Variants in ABCA13 observed in about 807,000 individuals in gnomAD.
ABCA13 encodes ATP-binding cassette sub-family A member 13.
A neutral mutation model predicts 478.7 loss-of-function variants in ABCA13; 476 were observed. That is an observed-to-expected ratio of 0.99 (90% CI 0.92 to 1.07). The LOEUF is 1.07. Among genes scored for constraint, ABCA13 ranks in the 50% least tolerant of loss-of-function variants. The pLI is 0.00. For synonymous variants in ABCA13, 2,252 were observed against 2,158.9 expected (o/e 1.04, Z -1.20); for missense variants, 6,060 against 5,910.6 (o/e 1.03, Z -0.83).
chr7:48,418,860 T>C (rs1027583454), intron 41 of ABCA13, among the ~76,000 whole-genome samples: 1 of 152,238 alleles, frequency 6.6e-6, no homozygotes, highest in Non-Finnish European at 1.5e-5. Flanking sequence ...TTTTATGTTA[T>C]GTATTAGTCC....
Position 48,508,025 on chromosome 7 carries a change from G to T in ABCA13, c.13500G>T (p.Trp4500Cys). The T allele has an allele frequency of 3.1e-6, 5 of 1,613,848 alleles. No homozygotes were observed. The highest frequency in any genetic ancestry group is 4.2e-6 in the Non-Finnish European group (5 of 1,179,820). ...HISGLGYRMY[W>C]FTNFLYDMLF... Reference sequence around the variant, plus strand: ...GTGGCCTTGGCTACAGGATGTACTGGTTCACAAACTTCCTATATGACATGG... The same window carrying T: ...GTGGCCTTGGCTACAGGATGTACTGTTTCACAAACTTCCTATATGACATGG... The change falls in exon 50 of 62, where the codon TGG (tryptophan) becomes TGT (cysteine). Residue 4500 changes from tryptophan to cysteine, a missense_variant. By Grantham distance (215) the Trp-to-Cys change is radical. Coordinates refer to ENST00000435803, the MANE Select transcript of ABCA13 (RefSeq NM_152701.5).
chr7:48,310,935 T>C (rs1162322361), intron 24 of ABCA13, among the ~76,000 whole-genome samples: 18 of 152,074 alleles, frequency 1.2e-4, no homozygotes, highest in Non-Finnish European at 1.5e-5. Context: ...TGTTTGAATC[T>C]TTACTTAAGT....
chr7:48,510,419 C>T (rs1194397554), intron 50 of ABCA13, among the ~76,000 whole-genome samples: 1 of 152,142 alleles, frequency 6.6e-6, no homozygotes, highest in Non-Finnish European at 1.5e-5. Flanking sequence ...CAGGGAGCAC[C>T]TTAAGGTGAG....
chr7:48,429,605 T>G (rs1335576883), intron 42 of ABCA13, among the ~76,000 whole-genome samples: 7 of 152,256 alleles, frequency 4.6e-5, no homozygotes, highest in South Asian at 2.1e-4. Flanking sequence ...TCAGATTTTT[T>G]GTCCATTATT....
At chr7:48,235,559 A>G (rs1416721749) in intron 8 of ABCA13, among the ~76,000 whole-genome samples, 1 of 152,112 alleles carries the variant, frequency 6.6e-6, no homozygotes, top group Non-Finnish European at 1.5e-5. Flanking sequence ...GGCAACTGAC[A>G]TTTTCTTTTA....
At chr7:48,417,044 C>A (rs1437648866) in intron 41 of ABCA13, among the ~76,000 whole-genome samples, 2 of 151,556 alleles carry the variant, frequency 1.3e-5, no homozygotes, top group African/African-American at 4.9e-5. Context: ...ATTTCTTTTA[C>A]AAAAATGTGT....
Position 48,309,958 on chromosome 7 carries a change from T to A in ABCA13, c.9333T>A (p.Ser3111Arg). 6.2e-7 allele frequency: 1 copy of A among 1,613,906 alleles called. No individual in the cohort carries two copies. Among genetic ancestry groups the A allele is most frequent in the Non-Finnish European group, 8.5e-7 (1 of 1,179,796 alleles). Residue 3111 changes from serine to arginine, a missense_variant, in exon 24 of 62, where the codon AGT becomes AGA. Around this residue, in one of 3 missense-constraint regions of ABCA13, gnomAD observed 4,423 missense variants for 4,309.1 expected, o/e 1.03. Coordinates refer to ENST00000435803, the MANE Select transcript of ABCA13 (RefSeq NM_152701.5). The part of the protein sequence containing the change: ...ANISHSKVLF[S>R]ALTVALSGKC... ...GTGCTTTGAAACAGGTTCTCTTCAGTGCCCTCACCGTAGCTCTGTCTGGAA... is the reference window on the plus strand; with the variant it reads ...GTGCTTTGAAACAGGTTCTCTTCAGAGCCCTCACCGTAGCTCTGTCTGGAA...
intron 29 of ABCA13, among the ~76,000 whole-genome samples, chr7:48,345,410 G>A (rs10248189): frequency 1.3e-3 from 199 of 152,266 alleles, no homozygotes; most frequent in African/African-American, 4.6e-3. Flanking sequence ...GTGCCCTGAA[G>A]ACCTCCTTCC....
chr7:48,626,144 A>G (rs1793642928), intron 59 of ABCA13, among the ~76,000 whole-genome samples: 1 of 152,210 alleles, frequency 6.6e-6, no homozygotes, highest in South Asian at 2.1e-4. Flanking sequence ...AGTGGGTAAT[A>G]AGGCATGAGC....
chr7:48,393,942 C>A (rs73099345), intron 38 of ABCA13, among the ~76,000 whole-genome samples: 16,225 of 152,184 alleles, frequency 0.11, 932 homozygotes, highest in African/African-American at 0.13. Flanking sequence ...CTGTCGGCTT[C>A]TTCTACCCTT....
intron 27 of ABCA13, among the ~76,000 whole-genome samples, chr7:48,328,481 T>G (rs1584867977): frequency 6.6e-6 from 1 of 152,170 alleles, no homozygotes; most frequent in Non-Finnish European, 1.5e-5. Context: ...TGATATAACC[T>G]CCTATAAAAT....
At chr7:48,535,126 C>T (rs1346986997) in intron 55 of ABCA13, among the ~76,000 whole-genome samples, 1 of 152,162 alleles carries the variant, frequency 6.6e-6, no homozygotes, top group Non-Finnish European at 1.5e-5. Context: ...GTTTCCTCCT[C>T]ATTTGGGTAG....
rs117236329 is a variant in ABCA13, at chr7:48,588,997, T to C, written c.14640+1709T>C. On this transcript the variant is annotated intron_variant, in intron 57 of 61. Coordinates refer to ENST00000435803, the MANE Select transcript of ABCA13 (RefSeq NM_152701.5). ...TGATTTGCAGAAAAGACTAGATATT[T>C]ATTTTCCTGTTCAGTGCTTCTCCCC... Among the ~76,000 whole-genome samples the C allele has an allele frequency of 1.4e-4, 21 of 152,360 alleles. No homozygotes were observed. The East Asian group carries it at 3.9e-3, about 28-fold the overall frequency.
Position 48,276,049 on chromosome 7 carries a change from A to C in ABCA13, c.6383A>C (p.Asn2128Thr). 6.2e-7 allele frequency: 1 copy of C among 1,608,098 alleles called. No individual in the cohort carries two copies. Among genetic ancestry groups the C allele is most frequent in the Non-Finnish European group, 8.5e-7 (1 of 1,176,852 alleles). Residue 2128 changes from asparagine (N) to threonine (T), a missense_variant, in exon 17 of 62, where the codon AAC becomes ACC. Asn to Thr is a moderately conservative substitution (Grantham distance 65). This residue lies in a region of ABCA13 where 4,423 missense variants were observed against 4,309.1 expected (regional missense o/e 1.03). Transcript: ENST00000435803. The part of the protein sequence containing the change: ...IIEDFLLVTK[N>T]WLQEYANEDY... Reference sequence around the variant, plus strand: ...GAAGATTTTCTATTGGTCACAAAAAACTGGCTTCAGGAATATGCAAATGAG... The same window carrying C: ...GAAGATTTTCTATTGGTCACAAAAACCTGGCTTCAGGAATATGCAAATGAG...
At chr7:48,422,626 C>A (rs1354444280) in intron 41 of ABCA13, among the ~76,000 whole-genome samples, 1 of 152,144 alleles carries the variant, frequency 6.6e-6, no homozygotes, top group Admixed American at 6.5e-5. Context: ...TCTCCAGGGA[C>A]ACCTCAAATC....
rs567481154 is a variant in ABCA13 at position 48,229,240 on chromosome 7, T to C, written c.633-585T>C. Among the ~76,000 whole-genome samples the C allele has an allele frequency of 6.6e-5, 10 of 152,068 alleles. No individual in the cohort carries two copies. The South Asian group carries it at 2.1e-3, about 31-fold the overall frequency. On this transcript the variant is annotated intron_variant, in intron 6 of 61. Transcript: ENST00000435803. The stretch of plus-strand genomic sequence containing the variant: ...ATTTATTTATAAAATAAAATATTAA[T>C]ATTTTAAAAATAAAATTAATATGTA...
At chr7:48,187,913 G>C (rs1364208044) in intron 1 of ABCA13, among the ~76,000 whole-genome samples, 2 of 151,848 alleles carry the variant, frequency 1.3e-5, no homozygotes, top group Non-Finnish European at 2.9e-5. Flanking sequence ...TTCTTTTTCT[G>C]TTGGTTTATT....
chr7:48,292,182 T>C (rs1798630081), intron 20 of ABCA13, among the ~76,000 whole-genome samples: 1 of 152,186 alleles, frequency 6.6e-6, no homozygotes, highest in South Asian at 2.1e-4. Flanking sequence ...CCCTCAACTT[T>C]ACTCATCTGA....
intron 3 of ABCA13, among the ~76,000 whole-genome samples, chr7:48,211,964 G>T (rs1785725421): frequency 6.6e-6 from 1 of 151,906 alleles, no homozygotes; most frequent in Non-Finnish European, 1.5e-5. Flanking sequence ...ATCTGGTATT[G>T]CATTGGTACT....
Sources: gnomAD v4.1 joint callset for allele counts (sites outside exome capture counted in the v4.1 genomes callset) on GRCh38, gnomAD v4.1.1 for gene constraint, gnomAD v4.1.1 regional missense constraint, MANE v1.5 for transcripts, NCBI Gene and HGNC (gene_info 2026-07-23, HGNC 2026-07-21) for gene names.